TSEN2: variants seen among roughly 807,000 people sequenced by gnomAD.
TSEN2 encodes tRNA splicing endonuclease subunit 2.
TSEN2 carries 54 observed loss-of-function variants against 59.2 expected under a neutral mutation model. The observed-to-expected ratio is 0.91, with a 90% CI of 0.73 to 1.14. The LOEUF (loss-of-function observed/expected upper bound fraction) is 1.14, where lower values mean the gene tolerates loss of function less well. Ranked by LOEUF, TSEN2 falls within the 50% of genes most tolerant of loss-of-function variation. The probability of loss-of-function intolerance (pLI) is 0.00; values close to 1 mark genes in which losing one functional copy is unlikely to be tolerated. For synonymous variants in TSEN2, 195 were observed against 198.2 expected (o/e 0.98, Z 0.14); for missense variants, 636 against 576.2 (o/e 1.10, Z -1.06).
chr3:12,493,049 C>G (rs1445696451), intron 3 of TSEN2, among the ~76,000 whole-genome samples: 1 of 152,148 alleles, frequency 6.6e-6, no homozygotes, highest in Non-Finnish European at 1.5e-5. Context: ...CCTTTTGTGT[C>G]TGTTGCTTTC....
chr3:12,514,188 G>A (rs1247825299), intron 6 of TSEN2, among the ~76,000 whole-genome samples: 1 of 152,202 alleles, frequency 6.6e-6, no homozygotes, highest in African/African-American at 2.4e-5. Flanking sequence ...TCTCCAAGAA[G>A]TGACCTTTGA....
At position 12,528,921 on chromosome 3, in the gene TSEN2, C is replaced by G; in HGVS notation, c.1133C>G (p.Ala378Gly). ...CGGAAAGGCCCTCCATTTTACCATG[C>G]AAGGTTCGGAGTGATTTTTAAATAA... ...LYRKGPPFYH[A>G]SYSVIIELVD... The change falls in exon 9 of 12, where the codon GCA (alanine) becomes GGA (glycine). Residue 378 changes from alanine (A) to glycine (G), a missense_variant. Transcript: ENST00000284995. 6.2e-7 allele frequency: 1 copy of G among 1,613,892 alleles called. No individual in the cohort carries two copies. The highest frequency in any genetic ancestry group is 2.2e-5 in the East Asian group (1 of 44,858).
At position 12,531,595 on chromosome 3, in the gene TSEN2, A is replaced by C. The variant is rs748539114; in HGVS notation, c.1274A>C (p.Lys425Thr). 1.9e-6 allele frequency: 3 copies of C among 1,612,322 alleles called. No individual in the cohort carries two copies. In the South Asian group the frequency reaches 3.3e-5, roughly 18 times the overall value. The change falls in exon 11 of 12, where the codon AAA (lysine) becomes ACA (threonine). Residue 425 changes from lysine (K) to threonine (T), a missense_variant. Coordinates refer to ENST00000284995, the MANE Select transcript of TSEN2 (RefSeq NM_025265.4). ...GAACTTATGCTGTGCTATTTGATTA[A>C]ACCCTCTACTATGACTGACAAGGAA... is the stretch of plus-strand genomic sequence containing the variant. ...SKELMLCYLIKPSTMTDKEME... is the reference protein window; with the variant it reads ...SKELMLCYLITPSTMTDKEME...
At chr3:12,523,226 C>T (rs1246603709) in intron 8 of TSEN2, among the ~76,000 whole-genome samples, 1 of 152,098 alleles carries the variant, frequency 6.6e-6, no homozygotes, top group Non-Finnish European at 1.5e-5. Context: ...TGGTGTGACC[C>T]AAAGGTCTGG....
intron 5 of TSEN2, among the ~76,000 whole-genome samples, chr3:12,504,468 A>G (rs573700683): frequency 3.2e-4 from 49 of 152,252 alleles, no homozygotes; most frequent in African/African-American, 1.1e-3. Context: ...CAGTAGTCCC[A>G]GCTACTCAAG....
chr3:12,517,370 A>AAAAAAAAAAAAAAAAC (rs1390178934), intron 7 of TSEN2, among the ~76,000 whole-genome samples: 1 of 151,108 alleles, frequency 6.6e-6, no homozygotes, highest in African/African-American at 2.4e-5. Context: ...AAAAAAAAAA[A>AAAAAAAAAAAAAAAAC]AGAATTTGCA....
At chr3:12,527,715 T>C (rs1016608821) in intron 8 of TSEN2, among the ~76,000 whole-genome samples, 2 of 152,174 alleles carry the variant, frequency 1.3e-5, no homozygotes, top group African/African-American at 4.8e-5. Flanking sequence ...AACACGGCTG[T>C]CTCTGATTGG....
At chr3:12,536,720 G>A (rs1411014013), downstream of TSEN2, among the ~76,000 whole-genome samples, 2 of 152,126 alleles carry the variant, frequency 1.3e-5, no homozygotes, top group African/African-American at 2.4e-5. Flanking sequence ...AGAGGAGGGG[G>A]CCAGGCGCGG....
At chr3:12,514,899 G>A (rs2055895895) in intron 6 of TSEN2, 1 of 152,128 alleles carries the variant, frequency 6.6e-6, no homozygotes, top group Admixed American at 6.5e-5. Flanking sequence ...AAAAAATTTG[G>A]AAGAGGCTTC....
chr3:12,487,141 T>C (rs1337598664), intron 1 of TSEN2, among the ~76,000 whole-genome samples: 1 of 152,228 alleles, frequency 6.6e-6, no homozygotes, highest in Non-Finnish European at 1.5e-5. Context: ...GATTTGAAGA[T>C]GAAACTGGGC....
intron 7 of TSEN2, among the ~76,000 whole-genome samples, chr3:12,517,998 G>T (rs1190693494): frequency 6.6e-6 from 1 of 151,980 alleles, no homozygotes; most frequent in Non-Finnish European, 1.5e-5. Context: ...AACTGAGCCA[G>T]TCTCACTGAG....
chr3:12,522,477 A>C (rs2056728775), intron 8 of TSEN2, among the ~76,000 whole-genome samples: 1 of 152,220 alleles, frequency 6.6e-6, no homozygotes, highest in Non-Finnish European at 1.5e-5. Context: ...TCTCTGCATA[A>C]GCAAAGGTTC....
At chr3:12,497,299 C>A (rs2053851194) in intron 4 of TSEN2, among the ~76,000 whole-genome samples, 1 of 152,218 alleles carries the variant, frequency 6.6e-6, no homozygotes, top group African/African-American at 2.4e-5. Flanking sequence ...TGATACAGTA[C>A]AGCTCTTCCA....
chr3:12,505,951 T>C, intron 6 of TSEN2, among the ~76,000 whole-genome samples: 1 of 151,740 alleles, frequency 6.6e-6, no homozygotes, highest in East Asian at 1.9e-4. Flanking sequence ...GGCGAAAGAG[T>C]GAGACTCTGT....
At chr3:12,535,225 T>G (rs1449514966), downstream of TSEN2, among the ~76,000 whole-genome samples, 1 of 152,188 alleles carries the variant, frequency 6.6e-6, no homozygotes. Context: ...TTTTACTAAC[T>G]GAATTGAATT....
intron 6 of TSEN2, 71 bp from the exon 7 acceptor site, chr3:12,516,540 A>G: frequency 7.0e-7 from 1 of 1,431,832 alleles, no homozygotes; most frequent in Non-Finnish European, 9.8e-7. Flanking sequence ...AAAAGAGATC[A>G]GTCTGTAAAA....
chr3:12,529,257 G>T (rs558891754), intron 9 of TSEN2, among the ~76,000 whole-genome samples: 6 of 152,260 alleles, frequency 3.9e-5, no homozygotes, highest in Admixed American at 3.3e-4. Context: ...ATGAGGTCAG[G>T]AATTCAAGAC....
chr3:12,537,348 G>A (rs920683248), downstream of TSEN2, among the ~76,000 whole-genome samples: 8 of 152,120 alleles, frequency 5.3e-5, no homozygotes, highest in African/African-American at 1.7e-4. Context: ...GCAGTGAGCC[G>A]TGATTGTGCC....
rs555507761 is a variant in TSEN2 at position 12,493,442 on chromosome 3, T to C, written c.271+1225T>C. 8.5e-5 allele frequency among the ~76,000 whole-genome samples: 13 copies of C among 152,224 alleles called. No individual in the cohort carries two copies. The South Asian group carries it at 2.3e-3, about 27-fold the overall frequency. On this transcript the variant is annotated intron_variant, in intron 3 of 11. Transcript: ENST00000284995. ...TGCCAACACTTGTTTAAAAAAATAA[T>C]AGTCGGCCAGGCGCGGTAGCTCACG...
Sources: allele counts gnomAD v4.1 joint callset (sites outside exome capture counted in the v4.1 genomes callset), GRCh38; gene constraint gnomAD v4.1.1; transcripts MANE v1.5; gene names NCBI Gene and HGNC (gene_info 2026-07-23, HGNC 2026-07-21).